Variants in RFX4 observed in about 807,000 individuals in gnomAD.
RFX4 encodes transcription factor RFX4.
RFX4 carries 10 observed loss-of-function variants against 95.0 expected under a neutral mutation model. The observed-to-expected ratio is 0.11, with a 90% CI of 0.06 to 0.18. The LOEUF is 0.18. Among genes scored for constraint, RFX4 ranks in the 10% least tolerant of loss-of-function variants. RFX4 has a pLI of 1.00. For synonymous variants in RFX4, 321 were observed against 340.7 expected (o/e 0.94, Z 0.64); for missense variants, 640 against 922.0 (o/e 0.69, Z 3.96).
chr12:106,673,784 A>C (rs541904071), intron 4 of RFX4, among the ~76,000 whole-genome samples: 26 of 152,316 alleles, frequency 1.7e-4, no homozygotes, highest in Admixed American at 1.6e-3. Flanking sequence ...TTCAATGGCC[A>C]ATCAAAGAGG....
intron 1 of RFX4, chr12:106,583,599 CGCGCGAAGGA>C (rs1565939376): frequency 1.3e-5 from 5 of 387,632 alleles, no homozygotes; most frequent in Admixed American, 4.5e-5. Flanking sequence ...TGCGTGCGCG[CGCGCGAAGGA>C]GCGCGCTTTC....
At chr12:106,599,163 CT>C (rs572641913) in intron 1 of RFX4, among the ~76,000 whole-genome samples, 12 of 143,122 alleles carry the variant, frequency 8.4e-5, no homozygotes, top group South Asian at 6.8e-4. Flanking sequence ...TTTCCTCGTT[CT>C]TTTTTTTTTC....
intron 17 of RFX4, among the ~76,000 whole-genome samples, chr12:106,751,217 G>A (rs1233386753): frequency 6.6e-6 from 1 of 151,518 alleles, no homozygotes; most frequent in Non-Finnish European, 1.5e-5. Context: ...ATAATTTACT[G>A]AGAATGATGA....
chr12:106,718,815 T>C (rs889063480), intron 11 of RFX4, among the ~76,000 whole-genome samples: 15 of 152,098 alleles, frequency 9.9e-5, no homozygotes, highest in African/African-American at 3.6e-4. Context: ...CTTCATTGAT[T>C]AAAAAGCACT....
At chr12:106,628,733 A>T (rs1382870652) in intron 2 of RFX4, among the ~76,000 whole-genome samples, 1 of 150,710 alleles carries the variant, frequency 6.6e-6, no homozygotes, top group African/African-American at 2.4e-5. Flanking sequence ...GTATTTCCTC[A>T]TGCAAATGAA....
chr12:106,748,202 C>G (rs1047160868), intron 16 of RFX4, among the ~76,000 whole-genome samples: 5 of 152,210 alleles, frequency 3.3e-5, no homozygotes, highest in Non-Finnish European at 5.9e-5. Flanking sequence ...GAGCAAATGT[C>G]TGACTCCAAA....
intron 4 of RFX4, among the ~76,000 whole-genome samples, chr12:106,668,059 A>C (rs768107999): frequency 1.3e-5 from 2 of 152,132 alleles, no homozygotes; most frequent in Non-Finnish European, 2.9e-5. Flanking sequence ...TAGTGGCTTA[A>C]ATAAATTAGT....
chr12:106,695,685 A>C (rs1158754147), intron 7 of RFX4, among the ~76,000 whole-genome samples: 1 of 152,158 alleles, frequency 6.6e-6, no homozygotes. Flanking sequence ...CTAGCATCCC[A>C]TATAGCACCC....
At chr12:106,601,999 C>T (rs902079098) in intron 1 of RFX4, among the ~76,000 whole-genome samples, 2 of 152,184 alleles carry the variant, frequency 1.3e-5, no homozygotes, top group Admixed American at 1.3e-4. Flanking sequence ...CTCTATGCCC[C>T]ACAGCATCTT....
At chr12:106,731,800 C>T (rs546403225) in intron 13 of RFX4, among the ~76,000 whole-genome samples, 3 of 151,886 alleles carry the variant, frequency 2.0e-5, no homozygotes, top group African/African-American at 7.2e-5. Context: ...GCGGTGCTCA[C>T]ATGAGGATGA....
At chr12:106,742,135 A>C (rs2042817963) in intron 15 of RFX4, among the ~76,000 whole-genome samples, 1 of 152,170 alleles carries the variant, frequency 6.6e-6, no homozygotes, top group South Asian at 2.1e-4. Context: ...CTAAATTTTC[A>C]GAAGTCTGTA....
chr12:106,617,534 T>C (rs1161574399), intron 2 of RFX4, among the ~76,000 whole-genome samples: 5 of 152,256 alleles, frequency 3.3e-5, no homozygotes, highest in African/African-American at 1.2e-4. Context: ...CAAACATTCA[T>C]AGATTTCCTA....
In RFX4 at chr12:106,641,967, C is replaced by CTATATCTATATCTATCTA. The variant is rs371927014; in HGVS notation, c.191+2578_191+2579insATCTATATCTATCTATAT. Among the ~76,000 whole-genome samples the CTATATCTATATCTATCTA allele has an allele frequency of 3.6e-3, 487 of 135,022 alleles. 3 individuals are homozygous for CTATATCTATATCTATCTA. Among genetic ancestry groups the CTATATCTATATCTATCTA allele is most frequent in the Middle Eastern group, 0.011 (3 of 270 alleles). 88.6% of individuals were successfully genotyped at this position (135,022 alleles called of 152,430 possible). ...TGTCTATATCTATCTATATCTATATCTATCTATATCTATATCTATATCTAT... is the reference window on the plus strand; with the variant it reads ...TGTCTATATCTATCTATATCTATATCTATATCTATATCTATCTATATCTATATCTATATCTATATCTAT... On this transcript the variant is annotated intron_variant, in intron 3 of 17. Coordinates refer to ENST00000392842, the MANE Select transcript of RFX4 (RefSeq NM_213594.3).
intron 3 of RFX4, among the ~76,000 whole-genome samples, chr12:106,640,261 G>A (rs909082947): frequency 1.3e-5 from 2 of 152,196 alleles, no homozygotes; most frequent in African/African-American, 4.8e-5. Context: ...CAGTGGCAGA[G>A]GCAGGAAGTG....
chr12:106,660,608 C>A (rs544223797), intron 4 of RFX4, among the ~76,000 whole-genome samples: 273 of 152,276 alleles, frequency 1.8e-3, no homozygotes, highest in Non-Finnish European at 2.9e-3. Context: ...CTCTAGCCTA[C>A]AAATGAGTTG....
chr12:106,750,548 G>A, intron 16 of RFX4, 107 bp from the exon 17 acceptor site: 1 of 1,127,722 alleles, frequency 8.9e-7, no homozygotes, highest in Non-Finnish European at 1.2e-6. Context: ...AAAGAAAAGA[G>A]AAAAAAGAAG....
In RFX4 at chr12:106,616,909, C is replaced by T. The variant is rs538069668; in HGVS notation, c.130+8026C>T. On this transcript the variant is annotated intron_variant, in intron 2 of 17. Transcript: ENST00000392842. ...CTGAGTAGCTGGGACTACAGGTGTGCGCCACCATGCCCGGCTAATTTTTGT... is the reference window on the plus strand; with the variant it reads ...CTGAGTAGCTGGGACTACAGGTGTGTGCCACCATGCCCGGCTAATTTTTGT... 1.2e-4 allele frequency among the ~76,000 whole-genome samples: 18 copies of T among 151,772 alleles called. 1 individual carries two copies. In the South Asian group the frequency reaches 2.1e-3, roughly 18 times the overall value.
chr12:106,732,993 C>T lies in RFX4; in HGVS notation c.1541C>T (p.Ser514Phe), dbSNP rs2042642040. The T allele has an allele frequency of 6.2e-7, 1 of 1,614,184 alleles. No homozygotes were observed. The highest frequency in any genetic ancestry group is 1.3e-5 in the African/African-American group (1 of 75,044). ...ACCCCTTCACCAGTGCCATCGTTTT[C>T]TCCAGCAAAATCTGCCACATCTGTG... ...APTPSPVPSF[S>F]PAKSATSVEV... is the part of the protein sequence containing the mutation. The change falls in exon 15 of 18, where the codon TCT becomes TTT. Residue 514 changes from serine (S) to phenylalanine (F), a missense_variant. This residue lies in a region of RFX4 where 300 missense variants were observed against 346.8 expected (regional missense o/e 0.87). Transcript: ENST00000392842.
intron 4 of RFX4, among the ~76,000 whole-genome samples, chr12:106,672,995 C>T (rs1213091803): frequency 6.6e-6 from 1 of 152,038 alleles, no homozygotes; most frequent in Non-Finnish European, 1.5e-5. Flanking sequence ...TTTCTCTCTT[C>T]GGAGGAGGAG....
Sources: allele counts gnomAD v4.1 joint callset (sites outside exome capture counted in the v4.1 genomes callset), GRCh38; gene constraint gnomAD v4.1.1; regional missense constraint gnomAD v4.1.1; transcripts MANE v1.5; gene names NCBI Gene and HGNC (gene_info 2026-07-23, HGNC 2026-07-21).